The following NCAM1 variants were observed in gnomAD, a reference collection of about 807,000 sequenced individuals.
NCAM1 encodes neural cell adhesion molecule 1.
In NCAM1, 14 loss-of-function variants were observed where a neutral mutation model predicts 109.8. The observed-to-expected ratio is 0.13, with a 90% confidence interval of 0.08 to 0.20. The LOEUF is 0.20. NCAM1 is among the 10% of genes least tolerant of loss of function. The pLI is 1.00. For synonymous variants in NCAM1, 418 were observed against 442.9 expected (o/e 0.94, Z 0.70); for missense variants, 774 against 1,109.9 (o/e 0.70, Z 4.30).
chr11:113,180,973 C>T lies in NCAM1; in HGVS notation c.53-21406C>T, dbSNP rs189068928. Among the ~76,000 whole-genome samples the T allele has an allele frequency of 3.7e-3, 568 of 152,272 alleles. 9 individuals carry two copies. The highest frequency in any genetic ancestry group is 1.7e-3 in the African/African-American group (69 of 41,548). On this transcript the variant is annotated intron_variant, in intron 1 of 19. Coordinates refer to ENST00000316851, the MANE Select transcript of NCAM1 (RefSeq NM_181351.5). ...CGCTTCGGTGTTGATGGGAGTCTTG[C>T]GTCTGGGATGAGGACCTCATTCATA...
At position 113,169,815 on chromosome 11, in the gene NCAM1, C is replaced by T. The variant is rs1036681395; in HGVS notation, c.53-32564C>T. 1.1e-4 allele frequency among the ~76,000 whole-genome samples: 16 copies of T among 152,016 alleles called. No individual in the cohort carries two copies. In the East Asian group the frequency reaches 1.2e-3, roughly 11 times the overall value. On this transcript the variant is annotated intron_variant, in intron 1 of 19. Transcript: ENST00000316851. ...CTAATTTTTGTACTTTTAGTAAAGA[C>T]GGGGTTTCGCCATGTTGGTCAGGCT...
intron 1 of NCAM1, among the ~76,000 whole-genome samples, chr11:113,039,585 T>C (rs1356182445): frequency 1.2e-4 from 19 of 152,220 alleles, no homozygotes; most frequent in Non-Finnish European, 8.8e-5. Context: ...TCTGGGAATA[T>C]AGCCTAGACA....
At chr11:113,196,307 T>C (rs914701585) in intron 1 of NCAM1, among the ~76,000 whole-genome samples, 85 of 152,180 alleles carry the variant, frequency 5.6e-4, no homozygotes, top group African/African-American at 1.9e-3. Context: ...TGTTATGATG[T>C]TTTTGGCTGT....
chr11:113,193,610 G>C (rs1242299262), intron 1 of NCAM1, among the ~76,000 whole-genome samples: 1 of 152,028 alleles, frequency 6.6e-6, no homozygotes, highest in Admixed American at 6.6e-5. Flanking sequence ...GCGAGATCCA[G>C]CCTGGGCAAG....
At chr11:113,045,276 C>T (rs1351168292) in intron 1 of NCAM1, among the ~76,000 whole-genome samples, 6 of 152,190 alleles carry the variant, frequency 3.9e-5, no homozygotes, top group Admixed American at 2.6e-4. Flanking sequence ...CCTCCACCGT[C>T]ATGGCCTTCC....
chr11:113,207,256 T>C lies in NCAM1; in HGVS notation c.629-5T>C, dbSNP rs781918930. The C allele has an allele frequency of 1.2e-6, 2 of 1,613,308 alleles. No homozygotes were observed. The highest frequency in any genetic ancestry group is 1.7e-6 in the Non-Finnish European group (2 of 1,179,306). On this transcript the variant is annotated splice_polypyrimidine_tract_variant and splice_region_variant and intron_variant, in intron 5 of 19. Transcript: ENST00000316851. ...ACCACCCCATGACACCCTTTTTTCC[T>C]TCAGTGCCACCTACCATCCAGGCCA...
chr11:113,264,072 G>C (rs1555123938), intron 17 of NCAM1: 1 of 985,248 alleles, frequency 1.0e-6, no homozygotes, highest in East Asian at 1.1e-4. Flanking sequence ...TGGAGACTCA[G>C]GGCTGAATCC....
At chr11:113,190,507 A>T (rs1271569454) in intron 1 of NCAM1, among the ~76,000 whole-genome samples, 1 of 152,030 alleles carries the variant, frequency 6.6e-6, no homozygotes, top group African/African-American at 2.4e-5. Context: ...TCCCCTCTCC[A>T]CACCCAGCCC....
At chr11:113,185,231 C>G (rs1284674093) in intron 1 of NCAM1, among the ~76,000 whole-genome samples, 1 of 151,662 alleles carries the variant, frequency 6.6e-6, no homozygotes, top group Non-Finnish European at 1.5e-5. Context: ...GTCCAAGAAC[C>G]AAGAGAGCAG....
At chr11:113,169,577 C>T (rs1452139895) in intron 1 of NCAM1, among the ~76,000 whole-genome samples, 2 of 150,012 alleles carry the variant, frequency 1.3e-5, no homozygotes, top group Admixed American at 6.6e-5. Context: ...TCCTGGTAAG[C>T]TTGCATTGCT....
At chr11:113,152,981 G>C (rs1026725742) in intron 1 of NCAM1, among the ~76,000 whole-genome samples, 21 of 152,100 alleles carry the variant, frequency 1.4e-4, no homozygotes, top group Non-Finnish European at 2.5e-4. Context: ...GGTCGAGCCA[G>C]ACAGATTCAA....
At chr11:113,044,113 C>T (rs1418583224) in intron 1 of NCAM1, among the ~76,000 whole-genome samples, 1 of 152,126 alleles carries the variant, frequency 6.6e-6, no homozygotes, top group Admixed American at 6.5e-5. Context: ...AAGTTTGAAT[C>T]GTTTCTCCCC....
intron 1 of NCAM1, among the ~76,000 whole-genome samples, chr11:113,036,404 T>C (rs1555079178): frequency 6.6e-6 from 1 of 151,956 alleles, no homozygotes; most frequent in Non-Finnish European, 1.5e-5. Flanking sequence ...GGCTCGCTCC[T>C]CTGCTCTCCT....
chr11:113,090,540 T>C (rs1268709024), intron 1 of NCAM1, among the ~76,000 whole-genome samples: 3 of 152,170 alleles, frequency 2.0e-5, no homozygotes, highest in Admixed American at 1.3e-4. Context: ...ATAGATGCAA[T>C]GCCTAATGTC....
At chr11:113,253,548 C>T (rs894185868) in intron 15 of NCAM1, among the ~76,000 whole-genome samples, 4 of 152,078 alleles carry the variant, frequency 2.6e-5, no homozygotes, top group Non-Finnish European at 4.4e-5. Flanking sequence ...AGGCAACAGA[C>T]CCCCCATGAT....
chr11:113,071,705 G>A (rs139221225), intron 1 of NCAM1, among the ~76,000 whole-genome samples: 11,256 of 152,218 alleles, frequency 0.074, 699 homozygotes, highest in East Asian at 0.35. Context: ...GATTACAGGC[G>A]TGGGCCACCA....
chr11:113,197,440 CAT>C (rs1158788325), intron 1 of NCAM1, among the ~76,000 whole-genome samples: 2 of 152,196 alleles, frequency 1.3e-5, no homozygotes, highest in Non-Finnish European at 2.9e-5. Flanking sequence ...ACAAGACAAA[CAT>C]ATAGCTGTAA....
intron 1 of NCAM1, among the ~76,000 whole-genome samples, chr11:113,152,286 G>A (rs552632864): frequency 1.3e-5 from 2 of 152,330 alleles, no homozygotes; most frequent in South Asian, 2.1e-4. Flanking sequence ...CAGAAGTCTT[G>A]CTGTGGATGG....
Position 113,275,516 on chromosome 11 carries a change from T to C in NCAM1, c.*129T>C, listed in dbSNP as rs1946385736. On this transcript the variant is annotated 3_prime_UTR_variant, in exon 20 of 20. Coordinates refer to ENST00000316851, the MANE Select transcript of NCAM1 (RefSeq NM_181351.5). ...CACACATGCACACACACACATCTCATTTCTCTAGTGTCTTTTGCCTTTAAA... is the reference window on the plus strand; with the variant it reads ...CACACATGCACACACACACATCTCACTTCTCTAGTGTCTTTTGCCTTTAAA... 1.7e-6 allele frequency: 2 copies of C among 1,160,052 alleles called. No individual in the cohort carries two copies. Among genetic ancestry groups the C allele is most frequent in the Non-Finnish European group, 2.4e-6 (2 of 839,764 alleles). The allele number at this position is 1,160,052 out of a possible 1,614,324, so 71.9% of individuals were successfully genotyped here.
Sources: gnomAD v4.1 joint callset for allele counts (sites outside exome capture counted in the v4.1 genomes callset) on GRCh38, gnomAD v4.1.1 for gene constraint, MANE v1.5 for transcripts, NCBI Gene and HGNC (gene_info 2026-07-23, HGNC 2026-07-21) for gene names.